The following ROCK1 variants were observed in gnomAD, a reference collection of about 807,000 sequenced individuals.
ROCK1 encodes rho-associated protein kinase 1.
Under a neutral mutation model 196.8 loss-of-function variants are expected in ROCK1, and 36 were observed. The ratio of observed to expected loss-of-function variants is 0.18; its 90% CI spans 0.14 to 0.24. The LOEUF is 0.24. Among genes scored for constraint, ROCK1 ranks in the 10% least tolerant of loss-of-function variants. ROCK1 has a pLI of 1.00. For synonymous variants in ROCK1, 443 were observed against 515.9 expected, an observed-to-expected ratio of 0.86 and a Z score of 1.91; for missense variants, 920 against 1,562.0, an observed-to-expected ratio of 0.59 and a Z score of 6.93.
chr18:20,990,919 C>T lies in ROCK1; in HGVS notation c.2143+257G>A, dbSNP rs2035619470. ...GGGATTACAGGCGTGCGACACACAC[C>T]TGGCTAATTTTTTTATTTTTAGTAG... On this transcript the variant is annotated intron_variant, in intron 18 of 32. Transcript: ENST00000399799. Among the ~76,000 whole-genome samples, 3 of 151,740 alleles carry T rather than the reference C, an allele frequency of 2.0e-5. No homozygotes were observed. The South Asian group carries it at 6.2e-4, about 32-fold the overall frequency.
In ROCK1 at chr18:21,024,292, G is replaced by A. The variant is rs548435678; in HGVS notation, c.1212-612C>T. Among the ~76,000 whole-genome samples the A allele has an allele frequency of 1.8e-3, 269 of 151,946 alleles. 2 individuals carry two copies. The highest frequency in any genetic ancestry group is 6.3e-3 in the African/African-American group (259 of 41,260). Reference sequence around the variant, plus strand: ...CAGAGTTCTTTAAATTCAGTGTAAAGTTAGAATTGTATATAAATAAAGCTA... The same window carrying A: ...CAGAGTTCTTTAAATTCAGTGTAAAATTAGAATTGTATATAAATAAAGCTA... On this transcript the variant is annotated intron_variant, in intron 10 of 32. Transcript: ENST00000399799.
rs551982882 is a variant in ROCK1, at chr18:21,003,108, C to T, written c.1885+3243G>A. 1.9e-4 allele frequency among the ~76,000 whole-genome samples: 29 copies of T among 152,106 alleles called. No individual in the cohort carries two copies. The South Asian group carries it at 4.2e-3, about 22-fold the overall frequency. On this transcript the variant is annotated intron_variant, in intron 16 of 32. Transcript: ENST00000399799. The stretch of plus-strand genomic sequence containing the variant: ...ACAAGTATTCTTGACAAAGTCCTAC[C>T]GAAGTAGATCACATCTCTAGATCTA...
At chr18:20,979,131 G>A (rs1423715848) in intron 22 of ROCK1, among the ~76,000 whole-genome samples, 2 of 152,048 alleles carry the variant, frequency 1.3e-5, no homozygotes, top group Non-Finnish European at 2.9e-5. Context: ...GTCTCATTAT[G>A]TTGCCCAGGC....
intron 1 of ROCK1, among the ~76,000 whole-genome samples, chr18:21,094,437 A>G (rs2036595600): frequency 6.6e-6 from 1 of 152,142 alleles, no homozygotes; most frequent in African/African-American, 2.4e-5. Context: ...CCAATTTTTA[A>G]ATGGGCAAAG....
At chr18:21,088,612 A>C (rs576299447) in intron 1 of ROCK1, among the ~76,000 whole-genome samples, 2 of 152,358 alleles carry the variant, frequency 1.3e-5, no homozygotes, top group East Asian at 1.9e-4. Flanking sequence ...ATGGTCTGAA[A>C]GTGCCAAAAT....
chr18:21,077,737 T>C (rs1326043263), intron 1 of ROCK1, among the ~76,000 whole-genome samples: 1 of 152,174 alleles, frequency 6.6e-6, no homozygotes, highest in East Asian at 1.9e-4. Flanking sequence ...TCTCATCTCA[T>C]GTGAGTTTCA....
intron 18 of ROCK1, 81 bp downstream of exon 18, chr18:20,991,095 T>G (rs2035621340): frequency 9.3e-7 from 1 of 1,074,430 alleles, no homozygotes; most frequent in Admixed American, 2.3e-5. Flanking sequence ...AGTTAAAGAG[T>G]ACAAAATTTT....
At chr18:21,032,696 T>G (rs2036019888) in intron 9 of ROCK1, among the ~76,000 whole-genome samples, 1 of 150,732 alleles carries the variant, frequency 6.6e-6, no homozygotes, top group Non-Finnish European at 1.5e-5. Flanking sequence ...TTTTTTTTTT[T>G]TTTTTTGTAG....
chr18:20,959,054 A>AT (rs1281045658), intron 29 of ROCK1, among the ~76,000 whole-genome samples: 12 of 50,412 alleles, frequency 2.4e-4, no homozygotes, highest in African/African-American at 1.5e-3. Flanking sequence ...TATAATATAT[A>AT]TATTATATTT....
chr18:21,096,291 C>A (rs938007655), intron 1 of ROCK1, among the ~76,000 whole-genome samples: 1 of 152,084 alleles, frequency 6.6e-6, no homozygotes, highest in African/African-American at 2.4e-5. Context: ...CCTCTGCCCC[C>A]CCGGGTTCAA....
At chr18:21,067,633 C>T (rs1312551875) in intron 2 of ROCK1, among the ~76,000 whole-genome samples, 3 of 152,066 alleles carry the variant, frequency 2.0e-5, no homozygotes, top group African/African-American at 4.8e-5. Context: ...CTGATCTGCC[C>T]GCCTCAGCCT....
At chr18:20,978,352 T>C (rs1451691604) in intron 22 of ROCK1, among the ~76,000 whole-genome samples, 1 of 152,190 alleles carries the variant, frequency 6.6e-6, no homozygotes. Flanking sequence ...ATTAGTCTTC[T>C]TCCTCCTAAA....
At chr18:21,025,273 A>G (rs1330712113) in intron 10 of ROCK1, among the ~76,000 whole-genome samples, 1 of 152,220 alleles carries the variant, frequency 6.6e-6, no homozygotes, top group Non-Finnish European at 1.5e-5. Context: ...CTATTTTAAA[A>G]ATCATGTTTA....
rs1243189365 is a variant in ROCK1, at chr18:21,037,338, T to C, written c.1051+2134A>G. 3.3e-5 allele frequency among the ~76,000 whole-genome samples: 5 copies of C among 152,128 alleles called. No homozygotes were observed. The South Asian group carries it at 6.2e-4, about 19-fold the overall frequency. ...TAATTGCCATTGCAATGTGGAGACA[T>C]GTTAAGTGGTAAAAATACCAAAAAA... On this transcript the variant is annotated intron_variant, in intron 9 of 32. Coordinates refer to ENST00000399799, the MANE Select transcript of ROCK1 (RefSeq NM_005406.3).
At chr18:21,072,178 T>C (rs921382586) in intron 1 of ROCK1, among the ~76,000 whole-genome samples, 8 of 152,192 alleles carry the variant, frequency 5.3e-5, no homozygotes, top group African/African-American at 1.7e-4. Flanking sequence ...GACCAAGTAT[T>C]TGATCATGTG....
intron 8 of ROCK1, among the ~76,000 whole-genome samples, chr18:21,040,546 A>C (rs952554161): frequency 1.3e-5 from 2 of 152,186 alleles, no homozygotes; most frequent in Admixed American, 1.3e-4. Flanking sequence ...AAATACTCTA[A>C]ATTCTAAGTT....
At chr18:21,012,841 G>A (rs903543779) in intron 13 of ROCK1, among the ~76,000 whole-genome samples, 1 of 151,994 alleles carries the variant, frequency 6.6e-6, no homozygotes, top group Non-Finnish European at 1.5e-5. Context: ...TCTCTCTGTT[G>A]TTCAGACTGC....
rs150650023 is a variant in ROCK1, at chr18:21,005,885, G to A, written c.1885+466C>T. ...GAGCAAGTTCCTATCTCAAAAAAAC[G>A]TAAACAATAAAAAAGAATGCAACCA... On this transcript the variant is annotated intron_variant, in intron 16 of 32. Transcript: ENST00000399799. Among the ~76,000 whole-genome samples the A allele has an allele frequency of 2.3e-3, 343 of 152,030 alleles. 2 individuals are homozygous for A. The highest frequency in any genetic ancestry group is 3.7e-3 in the Non-Finnish European group (254 of 67,982).
intron 17 of ROCK1, among the ~76,000 whole-genome samples, 169 bp downstream of exon 17, chr18:20,992,662 T>C (rs1362150628): frequency 6.6e-6 from 1 of 152,146 alleles, no homozygotes; most frequent in Non-Finnish European, 1.5e-5. Context: ...AACAAAACCC[T>C]AAATAAGACA....
Sources: gnomAD v4.1 joint callset for allele counts (sites outside exome capture counted in the v4.1 genomes callset) on GRCh38, gnomAD v4.1.1 for gene constraint, MANE v1.5 for transcripts, NCBI Gene and HGNC (gene_info 2026-07-23, HGNC 2026-07-21) for gene names.